Variants in NAA15 observed in about 807,000 individuals in gnomAD.
NAA15 encodes N-alpha-acetyltransferase 15, NatA auxiliary subunit, also known as N-terminal acetyltransferase.
In NAA15, 34 loss-of-function variants were observed where a neutral mutation model predicts 114.0. The ratio of observed to expected loss-of-function variants is 0.30; its 90% CI spans 0.23 to 0.40. The LOEUF (loss-of-function observed/expected upper bound fraction) is 0.40, where lower values mean the gene tolerates loss of function less well. Among genes scored for constraint, NAA15 ranks in the 10% least tolerant of loss-of-function variants. The probability of loss-of-function intolerance (pLI) is 1.00; values close to 1 mark genes in which losing one functional copy is unlikely to be tolerated. For synonymous variants in NAA15, 340 were observed against 338.0 expected (o/e 1.01, Z -0.06); for missense variants, 658 against 1,004.5 (o/e 0.66, Z 4.66).
intron 6 of NAA15, 136 bp from the exon 7 acceptor site, chr4:139,349,326 A>G (rs1560969021): frequency 1.5e-6 from 1 of 681,874 alleles, no homozygotes. Flanking sequence ...ATCTTAAGGG[A>G]ACTGGAACCA....
intron 15 of NAA15, among the ~76,000 whole-genome samples, chr4:139,370,833 G>T (rs573565680): frequency 2.0e-5 from 3 of 152,170 alleles, no homozygotes; most frequent in Non-Finnish European, 4.4e-5. Flanking sequence ...TAACATGCAA[G>T]TTTTTATGTC....
chr4:139,382,497 A>G (rs1748782371), intron 17 of NAA15, among the ~76,000 whole-genome samples: 1 of 152,170 alleles, frequency 6.6e-6, no homozygotes, highest in African/African-American at 2.4e-5. Flanking sequence ...CAAACTATGC[A>G]GATATTTTTT....
rs1560952757 is a variant in NAA15, at chr4:139,315,004, AG to A, written c.54+13174del. Reference sequence around the variant, plus strand: ...AGAAGCGTTCAGTTCAGTTCAGTTTAGTTTAGGTTAGGTTAGGTTAGGTTAG... The same window carrying A: ...AGAAGCGTTCAGTTCAGTTCAGTTTATTTAGGTTAGGTTAGGTTAGGTTAG... On this transcript the variant is annotated intron_variant, in intron 1 of 19. Coordinates refer to ENST00000296543, the MANE Select transcript of NAA15 (RefSeq NM_057175.5). Among the ~76,000 whole-genome samples, 267 of 84,396 alleles carry A rather than the reference AG, an allele frequency of 3.2e-3. 14 individuals are homozygous for A. Among genetic ancestry groups the A allele is most frequent in the African/African-American group, 0.013 (241 of 18,230 alleles). The allele number at this position is 84,396 out of a possible 152,430, so 55.4% of individuals were successfully genotyped here. A position where few individuals can be genotyped will look rare whatever the true frequency, so the allele number is the denominator to read the frequency against.
chr4:139,345,684 G>A (rs953336626), intron 6 of NAA15, among the ~76,000 whole-genome samples: 35 of 152,178 alleles, frequency 2.3e-4, no homozygotes, highest in African/African-American at 8.0e-4. Context: ...ACTTTGGGAG[G>A]CCGAGGCAGG....
Position 139,315,954 on chromosome 4 carries a change from G to A in NAA15, c.54+14123G>A, listed in dbSNP as rs139443498. Among the ~76,000 whole-genome samples the A allele has an allele frequency of 4.2e-3, 633 of 150,686 alleles. 11 individuals carry two copies. Among genetic ancestry groups the A allele is most frequent in the African/African-American group, 0.014 (578 of 40,996 alleles). ...GAGCCATTTGGTTTCATTTTCTTAC[G>A]TGTGAAGTCTTATTCCAGTTTCTTT... On this transcript the variant is annotated intron_variant, in intron 1 of 19. Transcript: ENST00000296543.
intron 1 of NAA15, among the ~76,000 whole-genome samples, chr4:139,309,467 G>GTGTC (rs1746144528): frequency 7.1e-6 from 1 of 140,100 alleles, no homozygotes; most frequent in African/African-American, 2.5e-5. Context: ...GTGTGTGTGT[G>GTGTC]TGTCCAGGAT....
At chr4:139,387,424 C>G (rs1748939594) in intron 19 of NAA15, among the ~76,000 whole-genome samples, 1 of 152,188 alleles carries the variant, frequency 6.6e-6, no homozygotes, top group African/African-American at 2.4e-5. Flanking sequence ...AATTTGAACA[C>G]AATGTTGAAT....
At chr4:139,321,850 T>C (rs1746629413) in intron 1 of NAA15, among the ~76,000 whole-genome samples, 1 of 152,106 alleles carries the variant, frequency 6.6e-6, no homozygotes, top group Non-Finnish European at 1.5e-5. Flanking sequence ...AATAGTAACT[T>C]GTTTTGAAGT....
At chr4:139,356,654 A>G (rs1371077941) in intron 10 of NAA15, 4 of 152,166 alleles carry the variant, frequency 2.6e-5, no homozygotes, top group Admixed American at 2.6e-4. Context: ...TTAAAAAGCA[A>G]TCTGTTGCTT....
chr4:139,334,049 C>T, intron 1 of NAA15, 125 bp from the exon 2 acceptor site: 1 of 615,428 alleles, frequency 1.6e-6, no homozygotes, highest in Non-Finnish European at 2.8e-6. Context: ...TGGCATTTTA[C>T]CGAGATTTAG....
intron 18 of NAA15, among the ~76,000 whole-genome samples, chr4:139,385,290 ATATATATATAAT>A (rs1560984113): frequency 5.0e-5 from 5 of 99,802 alleles, no homozygotes; most frequent in African/African-American, 1.8e-4. Flanking sequence ...TATAATATAT[ATATATATATAAT>A]ATATATTATA....
At position 139,345,661 on chromosome 4, in the gene NAA15, C is replaced by G. The variant is rs182812273; in HGVS notation, c.691+1322C>G. Among the ~76,000 whole-genome samples the G allele has an allele frequency of 2.7e-3, 417 of 152,284 alleles. 1 individual carries two copies. Among genetic ancestry groups the G allele is most frequent in the Middle Eastern group, 0.01 (3 of 294 alleles). ...TGAGGCCGGGCGCGGTGGCTCAACC[C>G]TGTAATCCCAGCACTTTGGGAGGCC... On this transcript the variant is annotated intron_variant, in intron 6 of 19. Coordinates refer to ENST00000296543, the MANE Select transcript of NAA15 (RefSeq NM_057175.5).
intron 15 of NAA15, among the ~76,000 whole-genome samples, chr4:139,373,096 G>T (rs956370257): frequency 1.8e-4 from 28 of 152,028 alleles, no homozygotes; most frequent in African/African-American, 6.8e-4. Flanking sequence ...TGCCCAGGCT[G>T]GTCTCAAACT....
intron 1 of NAA15, chr4:139,302,552 T>C (rs1579073846): frequency 6.6e-6 from 1 of 152,256 alleles, no homozygotes; most frequent in East Asian, 1.9e-4. Context: ...TCTCGGGAGG[T>C]GGGGCCCATT....
At chr4:139,308,054 C>T (rs986541420) in intron 1 of NAA15, among the ~76,000 whole-genome samples, 11 of 151,944 alleles carry the variant, frequency 7.2e-5, no homozygotes, top group South Asian at 4.1e-4. Flanking sequence ...CTCTGCCTCC[C>T]GGGTTCACGC....
At chr4:139,352,149 C>A (rs1041465515) in intron 9 of NAA15, among the ~76,000 whole-genome samples, 7 of 151,968 alleles carry the variant, frequency 4.6e-5, no homozygotes, top group Non-Finnish European at 1.0e-4. Context: ...TGCTCTGTCA[C>A]CCAAGCTGGA....
At chr4:139,319,778 T>C (rs1746538888) in intron 1 of NAA15, among the ~76,000 whole-genome samples, 1 of 152,232 alleles carries the variant, frequency 6.6e-6, no homozygotes, top group Non-Finnish European at 1.5e-5. Context: ...CATGATCTCA[T>C]GATATGGTGT....
At chr4:139,337,949 G>A (rs1301770100) in intron 3 of NAA15, among the ~76,000 whole-genome samples, 1 of 152,174 alleles carries the variant, frequency 6.6e-6, no homozygotes, top group Non-Finnish European at 1.5e-5. Context: ...GACAAGCAAA[G>A]GCTTAACTAT....
chr4:139,351,936 CTTGT>C (rs1329573543), intron 9 of NAA15, among the ~76,000 whole-genome samples: 4 of 151,066 alleles, frequency 2.6e-5, no homozygotes, highest in Non-Finnish European at 5.9e-5. Context: ...CCAGAGTGTG[CTTGT>C]TTTTTGTTTT....
Sources: allele counts gnomAD v4.1 joint callset (sites outside exome capture counted in the v4.1 genomes callset), GRCh38; gene constraint gnomAD v4.1.1; transcripts MANE v1.5; gene names NCBI Gene and HGNC (gene_info 2026-07-23, HGNC 2026-07-21).